Variants in FAM222B observed in about 807,000 individuals in gnomAD.
FAM222B encodes the protein protein FAM222B.
FAM222B carries 12 observed loss-of-function variants against 38.0 expected under a neutral mutation model. The observed-to-expected ratio is 0.32, with a 90% CI of 0.20 to 0.51. The LOEUF is 0.51. Ranked by LOEUF, FAM222B falls within the 20% of genes least tolerant of loss-of-function variation. FAM222B has a pLI of 0.97. For missense variants in FAM222B, 716 were observed against 754.2 expected, an observed-to-expected ratio of 0.95 and a Z score of 0.59; for synonymous variants, 329 against 317.2, an observed-to-expected ratio of 1.04 and a Z score of -0.40.
intron 1 of FAM222B, among the ~76,000 whole-genome samples, chr17:28,835,589 A>G (rs549098124): frequency 6.6e-6 from 1 of 152,332 alleles, no homozygotes; most frequent in Admixed American, 6.5e-5. Flanking sequence ...CTAGATTTGC[A>G]TATTTTTCCC....
chr17:28,829,977 G>C (rs2038604922), intron 1 of FAM222B, among the ~76,000 whole-genome samples: 1 of 151,674 alleles, frequency 6.6e-6, no homozygotes, highest in South Asian at 2.1e-4. Flanking sequence ...AGCCTCCCGA[G>C]TAGCCGGGAC....
chr17:28,766,754 G>A (rs979567150), intron 1 of FAM222B, 47 bp from the exon 2 acceptor site: 49 of 1,081,056 alleles, frequency 4.5e-5, no homozygotes, highest in African/African-American at 4.1e-4. Context: ...CAACTCATTC[G>A]AAGAAGAGAG....
chr17:28,803,751 G>A (rs573018251), intron 1 of FAM222B, among the ~76,000 whole-genome samples: 24 of 152,126 alleles, frequency 1.6e-4, no homozygotes, highest in Admixed American at 6.5e-4. Flanking sequence ...AGGCCGAGAC[G>A]GGTGGATCAA....
intron 1 of FAM222B, among the ~76,000 whole-genome samples, chr17:28,842,133 G>T (rs2039060854): frequency 6.6e-6 from 1 of 152,152 alleles, no homozygotes; most frequent in South Asian, 2.1e-4. Context: ...TGTTCAGAAA[G>T]GTTAAGTGGG....
intron 1 of FAM222B, among the ~76,000 whole-genome samples, chr17:28,830,433 T>C (rs1327794567): frequency 6.6e-6 from 1 of 152,086 alleles, no homozygotes; most frequent in East Asian, 1.9e-4. Flanking sequence ...GTGCTGGGAT[T>C]ACAGGTGTGA....
chr17:28,773,746 C>T (rs965483387), intron 1 of FAM222B, among the ~76,000 whole-genome samples: 35 of 151,472 alleles, frequency 2.3e-4, no homozygotes, highest in Admixed American at 7.9e-4. Context: ...TGCAGTGAGC[C>T]GAGATCATGC....
intron 1 of FAM222B, among the ~76,000 whole-genome samples, chr17:28,813,055 G>A (rs9907256): frequency 0.038 from 2,491 of 65,674 alleles, 562 homozygotes; most frequent in Non-Finnish European, 0.049. Flanking sequence ...GGGGGGCGTT[G>A]GAGGCATGTT....
At chr17:28,790,524 G>A (rs556361174) in intron 1 of FAM222B, 4 of 152,282 alleles carry the variant, frequency 2.6e-5, no homozygotes, top group East Asian at 3.9e-4. Context: ...TCAAGGTTAT[G>A]AACATCAAAG....
intron 1 of FAM222B, among the ~76,000 whole-genome samples, chr17:28,807,003 T>G (rs1349585767): frequency 6.6e-6 from 1 of 151,950 alleles, no homozygotes; most frequent in Non-Finnish European, 1.5e-5. Context: ...AAAGTAAGAC[T>G]ATTTATCTTT....
chr17:28,800,807 A>G (rs2037179280), intron 1 of FAM222B, among the ~76,000 whole-genome samples: 1 of 151,170 alleles, frequency 6.6e-6, no homozygotes, highest in South Asian at 2.1e-4. Context: ...ACAAGTTAAA[A>G]CTAAGATGTG....
chr17:28,803,965 A>G (rs1360622132), intron 1 of FAM222B, among the ~76,000 whole-genome samples: 1 of 152,002 alleles, frequency 6.6e-6, no homozygotes, highest in Non-Finnish European at 1.5e-5. Context: ...TGGGTGACAG[A>G]GCAAGACCAC....
At position 28,759,403 on chromosome 17, in the gene FAM222B, G is replaced by A. The variant is rs1359695951; in HGVS notation, c.556C>T (p.His186Tyr). The A allele has an allele frequency of 6.3e-7, 1 of 1,599,892 alleles. No individual in the cohort carries two copies. Among genetic ancestry groups the A allele is most frequent in the Non-Finnish European group, 8.5e-7 (1 of 1,174,578 alleles). ...TGAGGCTGCTGGAGGCTCTGAGGGT[G>A]GGACAGTGCCTGGGGTGGCGGGATA... ...QGIPPPQALS[H>Y]PQSLQQPQGL... Residue 186 changes from histidine (H) to tyrosine (Y), a missense_variant, in exon 3 of 3, where the codon CAC becomes TAC. By Grantham distance (83) the His-to-Tyr change is moderately conservative (BLOSUM62 2). Transcript: ENST00000581407. The surrounding 1 kb of genome is among the most constrained non-coding windows in gnomAD (Gnocchi z 4.8).
At chr17:28,782,397 C>A (rs889639081) in intron 1 of FAM222B, among the ~76,000 whole-genome samples, 5 of 152,022 alleles carry the variant, frequency 3.3e-5, no homozygotes, top group African/African-American at 4.8e-5. Flanking sequence ...ACAGGAAATT[C>A]TCTTCACTGC....
intron 1 of FAM222B, among the ~76,000 whole-genome samples, chr17:28,776,751 C>G (rs537430383): frequency 6.6e-6 from 1 of 152,060 alleles, no homozygotes; most frequent in African/African-American, 2.4e-5. Context: ...AGCCTCGGTG[C>G]CAGCCAAAAG....
Position 28,758,058 on chromosome 17 carries a change from G to C in FAM222B, c.*212C>G, listed in dbSNP as rs1240273290. On this transcript the variant is annotated 3_prime_UTR_variant, in exon 3 of 3. Coordinates refer to ENST00000581407, the MANE Select transcript of FAM222B (RefSeq NM_001077498.3). Reference sequence around the variant, plus strand: ...CAGTGGAGAGAAAAGCCTGGGCTTAGGGTTAGGTTCTAACATAAAACCAAA... The same window carrying C: ...CAGTGGAGAGAAAAGCCTGGGCTTACGGTTAGGTTCTAACATAAAACCAAA... 2 of 487,870 alleles carry C rather than the reference G, an allele frequency of 4.1e-6. No individual in the cohort carries two copies. Among genetic ancestry groups the C allele is most frequent in the African/African-American group, 1.9e-5 (1 of 51,472 alleles). The allele number at this position is 487,870 out of a possible 1,614,324, so 30.2% of individuals were successfully genotyped here.
At chr17:28,792,274 T>G (rs2036731662) in intron 1 of FAM222B, among the ~76,000 whole-genome samples, 1 of 145,408 alleles carries the variant, frequency 6.9e-6, no homozygotes, top group African/African-American at 2.5e-5. Context: ...ATTGCGCCAC[T>G]GCACTCCTGC....
chr17:28,791,074 A>T (rs977148706), intron 1 of FAM222B, among the ~76,000 whole-genome samples: 34 of 148,866 alleles, frequency 2.3e-4, no homozygotes, highest in Non-Finnish European at 4.2e-4. Context: ...CGCCCAGCTA[A>T]TTTTTTTTTG....
chr17:28,791,014 T>C (rs746763345), intron 1 of FAM222B, among the ~76,000 whole-genome samples: 1 of 149,440 alleles, frequency 6.7e-6, no homozygotes, highest in Non-Finnish European at 1.5e-5. Flanking sequence ...TTCTCCTGCC[T>C]GAGCCTCCTG....
At chr17:28,768,641 A>C (rs749435472) in intron 1 of FAM222B, among the ~76,000 whole-genome samples, 55 of 152,180 alleles carry the variant, frequency 3.6e-4, no homozygotes, top group Admixed American at 5.9e-4. Flanking sequence ...GTTCGAGAAC[A>C]GCGTGGCCAA....
Sources: allele counts gnomAD v4.1 joint callset (sites outside exome capture counted in the v4.1 genomes callset), GRCh38; gene constraint gnomAD v4.1.1; non-coding constraint Gnocchi (gnomAD v3.1); transcripts MANE v1.5; gene names NCBI Gene and HGNC (gene_info 2026-07-23, HGNC 2026-07-21).